The following ANTXR1 variants were observed in gnomAD, a reference collection of about 807,000 sequenced individuals.
The protein encoded by ANTXR1 is ANTXR cell adhesion molecule 1.
A neutral mutation model predicts 78.1 loss-of-function variants in ANTXR1; 19 were observed. The ratio of observed to expected loss-of-function variants is 0.24; its 90% CI spans 0.17 to 0.36. The LOEUF is 0.36. ANTXR1 is among the 10% of genes least tolerant of loss of function. The pLI is 1.00. For synonymous variants in ANTXR1, 273 were observed against 260.5 expected (o/e 1.05, Z -0.46); for missense variants, 518 against 718.6 (o/e 0.72, Z 3.19).
At chr2:69,044,916 C>A in intron 3 of ANTXR1, 103 bp downstream of exon 3, 4 of 1,140,222 alleles carry the variant, frequency 3.5e-6, no homozygotes, top group South Asian at 2.5e-5. Context: ...TCACTTTAAT[C>A]TAATAGTTCC....
intron 17 of ANTXR1, among the ~76,000 whole-genome samples, chr2:69,226,357 C>T (rs779071129): frequency 1.9e-4 from 29 of 152,152 alleles, no homozygotes; most frequent in Admixed American, 1.2e-3. Flanking sequence ...GCCCAGTCCT[C>T]ATCCCCTGTG....
intron 3 of ANTXR1, among the ~76,000 whole-genome samples, chr2:69,051,277 C>CA (rs938877141): frequency 7.5e-4 from 102 of 136,090 alleles, no homozygotes; most frequent in East Asian, 2.3e-3. Flanking sequence ...GACTCTGTCT[C>CA]AAAAAAAAAA....
chr2:69,131,981 C>T (rs1206656095), intron 12 of ANTXR1, among the ~76,000 whole-genome samples: 1 of 152,188 alleles, frequency 6.6e-6, no homozygotes, highest in Non-Finnish European at 1.5e-5. Context: ...GGGGTGCAGA[C>T]TTGGTAGAAG....
chr2:69,057,184 AT>A (rs1670095073), intron 3 of ANTXR1, among the ~76,000 whole-genome samples: 1 of 152,154 alleles, frequency 6.6e-6, no homozygotes, highest in Admixed American at 6.5e-5. Context: ...TTCATAGACA[AT>A]TTGTTTCTAA....
intron 17 of ANTXR1, among the ~76,000 whole-genome samples, chr2:69,193,900 G>A (rs915308050): frequency 6.6e-6 from 1 of 152,198 alleles, no homozygotes; most frequent in Non-Finnish European, 1.5e-5. Context: ...TTCCCAGCAG[G>A]TGTGGGGCCC....
At chr2:69,197,738 C>A (rs1479957727) in intron 17 of ANTXR1, among the ~76,000 whole-genome samples, 1 of 152,086 alleles carries the variant, frequency 6.6e-6, no homozygotes, top group Admixed American at 6.5e-5. Flanking sequence ...CCAGGATGGT[C>A]CCCAAGGCTT....
chr2:69,022,168 CA>C (rs1340837812), intron 1 of ANTXR1, among the ~76,000 whole-genome samples: 6 of 152,150 alleles, frequency 3.9e-5, no homozygotes, highest in Middle Eastern at 3.4e-3. Context: ...GAACACAGAC[CA>C]CTGCAGCAGC....
chr2:69,173,915 A>G (rs763056547), intron 14 of ANTXR1, among the ~76,000 whole-genome samples: 2 of 152,140 alleles, frequency 1.3e-5, no homozygotes, highest in Non-Finnish European at 2.9e-5. Context: ...AACACCTGCC[A>G]TTTTCTTCCT....
intron 17 of ANTXR1, among the ~76,000 whole-genome samples, chr2:69,231,601 C>T (rs747199436): frequency 2.6e-5 from 4 of 152,112 alleles, no homozygotes; most frequent in Admixed American, 6.5e-5. Flanking sequence ...TTTTTTGGGT[C>T]GATTGGGCTC....
intron 17 of ANTXR1, among the ~76,000 whole-genome samples, chr2:69,231,847 T>G (rs966817404): frequency 1.7e-4 from 26 of 152,102 alleles, no homozygotes; most frequent in African/African-American, 6.3e-4. Context: ...GGCTCAAAGC[T>G]AGCACATCAC....
At chr2:69,015,441 A>G (rs1250819378) in intron 1 of ANTXR1, among the ~76,000 whole-genome samples, 1 of 152,172 alleles carries the variant, frequency 6.6e-6, no homozygotes, top group Non-Finnish European at 1.5e-5. Context: ...AGACAAGTAC[A>G]TGTAGATCCA....
At chr2:69,080,751 A>G (rs1670875941) in intron 8 of ANTXR1, among the ~76,000 whole-genome samples, 1 of 152,234 alleles carries the variant, frequency 6.6e-6, no homozygotes, top group South Asian at 2.1e-4. Flanking sequence ...GGGTTGACAA[A>G]GAACCCAGGT....
At chr2:69,040,169 T>A (rs1229972681) in intron 2 of ANTXR1, 54 bp downstream of exon 2, 1 of 1,485,014 alleles carries the variant, frequency 6.7e-7, no homozygotes, top group African/African-American at 1.4e-5. Context: ...TGAGTCAAAC[T>A]AGTCCATGTT....
chr2:69,212,758 C>A (rs1675074888), intron 17 of ANTXR1, among the ~76,000 whole-genome samples: 5 of 151,940 alleles, frequency 3.3e-5, no homozygotes, highest in Admixed American at 3.3e-4. Flanking sequence ...CTCAAGTGAT[C>A]CTCCTACCTC....
At chr2:69,050,414 A>G (rs191527292) in intron 3 of ANTXR1, among the ~76,000 whole-genome samples, 1 of 147,550 alleles carries the variant, frequency 6.8e-6, no homozygotes, top group East Asian at 1.9e-4. Context: ...GTTTGATTTA[A>G]GCTGAAAGAT....
chr2:69,115,016 C>T (rs1324786695), intron 10 of ANTXR1, among the ~76,000 whole-genome samples: 2 of 152,180 alleles, frequency 1.3e-5, no homozygotes, highest in African/African-American at 4.8e-5. Context: ...GTTTTCTAAC[C>T]TCAACACTAC....
chr2:69,100,369 C>G (rs1408727072), intron 9 of ANTXR1, among the ~76,000 whole-genome samples: 2 of 152,184 alleles, frequency 1.3e-5, no homozygotes, highest in African/African-American at 4.8e-5. Flanking sequence ...CGCCTCTGCC[C>G]TGGTGCACTC....
In ANTXR1 at chr2:69,188,114, T is replaced by G. The variant is rs181885842; in HGVS notation, c.1354-5221T>G. Among the ~76,000 whole-genome samples, 389 of 151,958 alleles carry G rather than the reference T, an allele frequency of 2.6e-3. 6 individuals carry two copies. The highest frequency in any genetic ancestry group is 1.7e-3 in the East Asian group (9 of 5,172). On this transcript the variant is annotated intron_variant, in intron 16 of 17. Coordinates refer to ENST00000303714, the MANE Select transcript of ANTXR1 (RefSeq NM_032208.3). The stretch of plus-strand genomic sequence containing the variant: ...ACCCAGGGTGCTTTGGGTTTTTTGT[T>G]TGTTTGATTTAAAAATAGGGTCTTG...
intron 17 of ANTXR1, among the ~76,000 whole-genome samples, chr2:69,232,447 A>G (rs965361461): frequency 4.0e-5 from 6 of 151,836 alleles, no homozygotes; most frequent in Non-Finnish European, 8.8e-5. Flanking sequence ...TCAAAAAAGC[A>G]CTTAGACACC....
Sources: allele counts gnomAD v4.1 joint callset (sites outside exome capture counted in the v4.1 genomes callset), GRCh38; gene constraint gnomAD v4.1.1; transcripts MANE v1.5; gene names NCBI Gene and HGNC (gene_info 2026-07-23, HGNC 2026-07-21).